The following CDH13 variants were observed in gnomAD, a reference collection of about 807,000 sequenced individuals.
CDH13 encodes cadherin 13, also known as cadherin-13.
A neutral mutation model predicts 63.8 loss-of-function variants in CDH13; 24 were observed. The observed-to-expected ratio is 0.38, with a 90% CI of 0.27 to 0.53. The LOEUF (loss-of-function observed/expected upper bound fraction) is 0.53, where lower values mean the gene tolerates loss of function less well. Ranked by LOEUF, CDH13 falls within the 20% of genes least tolerant of loss-of-function variation. The pLI, the probability that CDH13 is intolerant of heterozygous loss-of-function variation, is 0.85. For missense variants in CDH13, 1,049 were observed against 903.1 expected (o/e 1.16, Z -2.07); for synonymous variants, 503 against 355.3 (o/e 1.42, Z -4.67).
At chr16:82,967,771 G>A (rs1908076968) in intron 2 of CDH13, among the ~76,000 whole-genome samples, 1 of 152,206 alleles carries the variant, frequency 6.6e-6, no homozygotes, top group African/African-American at 2.4e-5. Flanking sequence ...CATGTAGCAG[G>A]CTTTTGTGTC....
chr16:83,020,900 C>G (rs1915285531), intron 2 of CDH13, among the ~76,000 whole-genome samples: 1 of 152,250 alleles, frequency 6.6e-6, no homozygotes, highest in Non-Finnish European at 1.5e-5. Context: ...TGTCCCTAGA[C>G]AACCCCAACT....
intron 1 of CDH13, among the ~76,000 whole-genome samples, chr16:82,692,453 T>C (rs1422447440): frequency 1.3e-5 from 2 of 152,108 alleles, no homozygotes; most frequent in Non-Finnish European, 2.9e-5. Flanking sequence ...CAAGAGAGCA[T>C]GTGTAGGGAA....
chr16:82,677,925 G>A (rs1478715376), intron 1 of CDH13, among the ~76,000 whole-genome samples: 1 of 152,156 alleles, frequency 6.6e-6, no homozygotes, highest in Non-Finnish European at 1.5e-5. Flanking sequence ...CTAAATGATT[G>A]ATGTCTGCTT....
chr16:83,160,585 T>C (rs1003726962), intron 4 of CDH13, among the ~76,000 whole-genome samples: 6 of 152,156 alleles, frequency 3.9e-5, no homozygotes, highest in African/African-American at 1.2e-4. Flanking sequence ...TCGTGTGGCC[T>C]TCCAAAAGGC....
chr16:82,684,779 A>C (rs2150965846), intron 1 of CDH13, among the ~76,000 whole-genome samples: 1 of 152,330 alleles, frequency 6.6e-6, no homozygotes, highest in African/African-American at 2.4e-5. Context: ...TGCAAACATG[A>C]CTTGCAGGCA....
At chr16:82,789,206 T>C (rs1355395517) in intron 1 of CDH13, among the ~76,000 whole-genome samples, 14 of 152,198 alleles carry the variant, frequency 9.2e-5, no homozygotes. Context: ...CCAGTCTCTG[T>C]GTGGTTGGGT....
chr16:82,934,965 T>A (rs1439172374), intron 2 of CDH13, among the ~76,000 whole-genome samples: 2 of 152,240 alleles, frequency 1.3e-5, no homozygotes, highest in African/African-American at 4.8e-5. Flanking sequence ...AACCTCTGCC[T>A]GTTACACAGT....
intron 2 of CDH13, among the ~76,000 whole-genome samples, chr16:82,962,684 ATC>A (rs1907202365): frequency 6.6e-6 from 1 of 152,168 alleles, no homozygotes; most frequent in African/African-American, 2.4e-5. Context: ...CAAGCAACAC[ATC>A]CAGTGATGAT....
chr16:83,032,384 G>T, intron 3 of CDH13, 166 bp downstream of exon 3: 1 of 596,580 alleles, frequency 1.7e-6, no homozygotes, highest in Non-Finnish European at 3.0e-6. Context: ...AGGGGCAGCG[G>T]GAATTAATTG....
chr16:82,802,066 G>C (rs1221574631), intron 1 of CDH13, among the ~76,000 whole-genome samples: 1 of 151,932 alleles, frequency 6.6e-6, no homozygotes, highest in Non-Finnish European at 1.5e-5. Context: ...CTGGCTCAGA[G>C]CTGTGCCCCA....
chr16:83,238,224 A>T (rs1904279913), intron 5 of CDH13, among the ~76,000 whole-genome samples: 1 of 6,452 alleles, frequency 1.5e-4, no homozygotes, highest in African/African-American at 2.5e-4. Context: ...TAATTCATTT[A>T]AAAAAAAAAG....
chr16:83,594,180 A>G (rs1043600296), intron 7 of CDH13, among the ~76,000 whole-genome samples: 5 of 152,206 alleles, frequency 3.3e-5, no homozygotes, highest in African/African-American at 1.2e-4. Context: ...GGCCACCCTC[A>G]GTTTCTTGTT....
rs1215714133 is a variant in CDH13 at position 83,512,364 on chromosome 16, AT to A, written c.960+25710del. 6.6e-3 allele frequency among the ~76,000 whole-genome samples: 954 copies of A among 144,972 alleles called. 9 individuals are homozygous for A. Among genetic ancestry groups the A allele is most frequent in the African/African-American group, 0.023 (907 of 39,758 alleles). Reference sequence around the variant, plus strand: ...AATAAATAAATAAATAAATAAATAAATAAATAAAATAAAAATAAAGGAAGGG... The same window carrying A: ...AATAAATAAATAAATAAATAAATAAAAAATAAAATAAAAATAAAGGAAGGG... On this transcript the variant is annotated intron_variant, in intron 7 of 13. Coordinates refer to ENST00000567109, the MANE Select transcript of CDH13 (RefSeq NM_001257.5).
chr16:82,924,865 C>T (rs1383061288), intron 2 of CDH13, among the ~76,000 whole-genome samples: 3 of 152,088 alleles, frequency 2.0e-5, no homozygotes, highest in Non-Finnish European at 4.4e-5. Context: ...GCTATTATTA[C>T]CCCCTCGTTA....
At chr16:82,916,236 G>A (rs986998920) in intron 2 of CDH13, among the ~76,000 whole-genome samples, 3 of 152,088 alleles carry the variant, frequency 2.0e-5, no homozygotes, top group Admixed American at 6.5e-5. Context: ...AGGCTCCCAG[G>A]GCCCAGTGTA....
rs576804218 is a variant in CDH13, at chr16:83,287,386, A to G, written c.637-57476A>G. Among the ~76,000 whole-genome samples, 246 of 152,334 alleles carry G rather than the reference A, an allele frequency of 1.6e-3. 1 individual carries two copies. The highest frequency in any genetic ancestry group is 4.0e-4 in the Non-Finnish European group (27 of 68,034). On this transcript the variant is annotated intron_variant, in intron 5 of 13. Coordinates refer to ENST00000567109, the MANE Select transcript of CDH13 (RefSeq NM_001257.5). ...GGCTGCCCAGCAGGAGGTAAGTAGC[A>G]GGCAAGCAAGCAAGCCAAGCTTCAT...
intron 6 of CDH13, among the ~76,000 whole-genome samples, chr16:83,441,770 A>G (rs547482814): frequency 8.5e-5 from 13 of 152,258 alleles, no homozygotes; most frequent in South Asian, 6.2e-4. Flanking sequence ...GTGGAGCCCT[A>G]TGAGTAAATG....
intron 6 of CDH13, among the ~76,000 whole-genome samples, chr16:83,443,140 A>C (rs2072533355): frequency 6.6e-6 from 1 of 152,226 alleles, no homozygotes; most frequent in South Asian, 2.1e-4. Context: ...ATCACCTTCC[A>C]TGCCAAACGC....
intron 3 of CDH13, among the ~76,000 whole-genome samples, chr16:83,056,726 G>T (rs569048093): frequency 6.6e-6 from 1 of 152,138 alleles, no homozygotes; most frequent in African/African-American, 2.4e-5. Flanking sequence ...CACATGTCAC[G>T]GGAGGGATCC....
Sources: allele counts gnomAD v4.1 joint callset (sites outside exome capture counted in the v4.1 genomes callset), GRCh38; gene constraint gnomAD v4.1.1; transcripts MANE v1.5; gene names NCBI Gene and HGNC (gene_info 2026-07-23, HGNC 2026-07-21).